MEST: variants seen among roughly 807,000 people sequenced by gnomAD.
MEST encodes mesoderm-specific transcript homolog protein.
In MEST, 18 loss-of-function variants were observed where a neutral mutation model predicts 50.9. The ratio of observed to expected loss-of-function variants is 0.35; its 90% CI spans 0.24 to 0.52. The LOEUF (loss-of-function observed/expected upper bound fraction) is 0.52, where lower values mean the gene tolerates loss of function less well. MEST is among the 20% of genes least tolerant of loss of function. The probability of loss-of-function intolerance (pLI) is 0.94; values close to 1 mark genes in which losing one functional copy is unlikely to be tolerated. For missense variants in MEST, 282 were observed against 425.3 expected, an observed-to-expected ratio of 0.66 and a Z score of 2.96; for synonymous variants, 130 against 154.1, an observed-to-expected ratio of 0.84 and a Z score of 1.16.
At chr7:130,487,329 G>C (rs759525961), upstream of MEST, 1 of 152,200 alleles carries the variant, frequency 6.6e-6, no homozygotes, top group African/African-American at 2.4e-5. Context: ...TGTTTGAGTG[G>C]ATAAAATGTC....
chr7:130,502,312 G>A (rs1799306383), intron 9 of MEST, among the ~76,000 whole-genome samples: 1 of 152,184 alleles, frequency 6.6e-6, no homozygotes, highest in African/African-American at 2.4e-5. Context: ...AGGTAGTGGT[G>A]GAGCCTAAAT....
In MEST at chr7:130,500,830, G is replaced by T. The variant is rs1799250322; in HGVS notation, c.689G>T (p.Ser230Ile). 1 of 1,613,886 alleles carries T rather than the reference G, an allele frequency of 6.2e-7. No individual in the cohort carries two copies. Among genetic ancestry groups the T allele is most frequent in the East Asian group, 2.2e-5 (1 of 44,892 alleles). ...VFGPYTRPSE[S>I]ELWDMWAGIR... ...GGGCCGTATACTCGGCCCTCTGAGA[G>T]TGAGCTGTGGGACATGTGGGCAGGG... Residue 230 changes from serine to isoleucine, a missense_variant, in exon 9 of 12, where the codon AGT (serine) becomes ATT (isoleucine). Transcript: ENST00000223215. The surrounding 1 kb of genome is among the most constrained non-coding windows in gnomAD (Gnocchi z 5.0).
chr7:130,495,147 G>A (rs1554436460), intron 1 of MEST, among the ~76,000 whole-genome samples: 1 of 152,074 alleles, frequency 6.6e-6, no homozygotes, highest in African/African-American at 2.4e-5. Context: ...TTGAAATAAT[G>A]TATTTTTTTT....
exon 1 of MEST, chr7:130,486,260 G>A (rs1179646708): frequency 6.6e-6 from 1 of 152,244 alleles, no homozygotes; most frequent in African/African-American, 2.4e-5. Flanking sequence ...CGACGCTCTA[G>A]CCCCGAGCCG....
At chr7:130,498,927 T>C (rs151316717) in intron 6 of MEST, 9 of 164,490 alleles carry the variant, frequency 5.5e-5, no homozygotes, top group African/African-American at 2.2e-4. Flanking sequence ...ACTATGATGT[T>C]AGTGTAGAAA....
rs1453710918 is a variant in MEST at position 130,497,193 on chromosome 7, GC to G, written c.220del (p.Leu74PhefsTer19). The G allele has an allele frequency of 6.2e-7, 1 of 1,613,028 alleles. No homozygotes were observed. The highest frequency in any genetic ancestry group is 1.3e-5 in the African/African-American group (1 of 74,814). On this transcript the variant is annotated frameshift_variant, in exon 3 of 12. Coordinates refer to ENST00000223215, the MANE Select transcript of MEST (RefSeq NM_002402.4). LOFTEE classifies it high-confidence loss of function. This position sits in a 1 kb window ranked among gnomAD's most constrained non-coding sequence, Gnocchi z 4.0. ...TGGTTGGAAGTCCAGAGATAGTTGT[GC>G]TTTTACACGGTTTTCCAACATCCAG... is the stretch of plus-strand genomic sequence containing the variant. Reference protein sequence around the residue: ...GVVGSPEIVVLLHGFPTSSYD... With the variant: ...GVVGSPEIVVXLHGFPTSSYD...
chr7:130,501,444 T>G (rs1409347411), intron 9 of MEST, among the ~76,000 whole-genome samples: 1 of 152,220 alleles, frequency 6.6e-6, no homozygotes, highest in African/African-American at 2.4e-5. Context: ...GAATATTTCA[T>G]TTTAGTATTA....
chr7:130,499,818 A>G (rs563820759), intron 6 of MEST, 57 bp from the exon 7 acceptor site: 298 of 1,393,198 alleles, frequency 2.1e-4, no homozygotes, highest in Non-Finnish European at 2.8e-4. Context: ...TCCCGTCTCT[A>G]TAAAAAAAAA....
intron 1 of MEST, 133 bp from the exon 2 acceptor site, chr7:130,495,235 G>A: frequency 4.8e-6 from 4 of 827,440 alleles, no homozygotes; most frequent in Non-Finnish European, 7.5e-6. Context: ...GGTCAGCTTT[G>A]TGCCTATGTG....
rs1798883276 is a variant in MEST at position 130,492,871 on chromosome 7, G to A, written c.26+532G>A. On this transcript the variant is annotated intron_variant, in intron 1 of 11. Coordinates refer to ENST00000223215, the MANE Select transcript of MEST (RefSeq NM_002402.4). This position sits in a 1 kb window ranked among gnomAD's most constrained non-coding sequence, Gnocchi z 7.6. ...GCGCGATTTAGGATTTATAGATCCC[G>A]GCAAAGCCCTGGTGCGATGTAGGAT... Among the ~76,000 whole-genome samples the A allele has an allele frequency of 6.6e-6, 1 of 152,014 alleles. No individual in the cohort carries two copies. Among genetic ancestry groups the A allele is most frequent in the Non-Finnish European group, 1.5e-5 (1 of 68,008 alleles).
chr7:130,498,973 CTG>C (rs1799174815), intron 6 of MEST, among the ~76,000 whole-genome samples: 3 of 152,294 alleles, frequency 2.0e-5, no homozygotes, highest in African/African-American at 7.2e-5. Flanking sequence ...TTCTTGGAAA[CTG>C]TGACTTTAAA....
At position 130,505,094 on chromosome 7, in the gene MEST, T is replaced by G. The variant is rs781859796; in HGVS notation, c.*38T>G. 12 of 1,428,718 alleles carry G rather than the reference T, an allele frequency of 8.4e-6. No homozygotes were observed. Among genetic ancestry groups the G allele is most frequent in the Non-Finnish European group, 1.2e-5 (12 of 1,013,436 alleles). The allele number at this position is 1,428,718 out of a possible 1,614,324, so 88.5% of individuals were successfully genotyped here. ...AGCTTCCCTGTATTACCTCCCCTAC[T>G]CCCTTATGTGTTGTGTATTCCACTT... On this transcript the variant is annotated 3_prime_UTR_variant, in exon 12 of 12. Transcript: ENST00000223215.
chr7:130,495,605 C>G, intron 2 of MEST, 83 bp downstream of exon 2: 1 of 1,351,560 alleles, frequency 7.4e-7, no homozygotes, highest in East Asian at 2.4e-5. Flanking sequence ...CTATTGGTCT[C>G]TTGTTGCTCC....
chr7:130,501,148 G>A, intron 9 of MEST: 1 of 327,000 alleles, frequency 3.1e-6, no homozygotes, highest in South Asian at 9.1e-5. Context: ...CAAGGTACAA[G>A]GCTCTTCCTT....
At chr7:130,502,749 ACTGAAG>A in intron 10 of MEST, 29 bp downstream of exon 10, 1 of 1,537,826 alleles carries the variant, frequency 6.5e-7, no homozygotes, top group Non-Finnish European at 9.0e-7. Context: ...TTGATAGGAA[ACTGAAG>A]GACTATAGGG....
intron 9 of MEST, among the ~76,000 whole-genome samples, chr7:130,502,428 A>C (rs933216224): frequency 6.6e-6 from 1 of 152,188 alleles, no homozygotes; most frequent in South Asian, 2.1e-4. Context: ...ACTAATTCTT[A>C]TATTGATAGT....
chr7:130,486,362 T>G (rs782508967), exon 1 of MEST: 1 of 152,222 alleles, frequency 6.6e-6, no homozygotes, highest in African/African-American at 2.4e-5. Context: ...CTCCGAAACA[T>G]GGAGTCCTGT....
Position 130,503,973 on chromosome 7 carries a change from T to C in MEST, c.867T>C (p.Tyr289=), listed in dbSNP as rs782122720. The C allele has an allele frequency of 3.4e-5, 55 of 1,613,360 alleles. No individual in the cohort carries two copies. The highest frequency in any genetic ancestry group is 9.3e-6 in the Non-Finnish European group (11 of 1,179,434). Residue 289 remains tyrosine (Y), a synonymous_variant, in exon 11 of 12, where the codon TAT becomes TAC. Transcript: ENST00000223215. ...IYGPLDPVNP[Y]PEFLELYRKT... ...GGCCATTGGATCCTGTAAATCCCTA[T>C]CCAGAGTTTTTGGAGCTGTACAGGT...
chr7:130,494,894 C>T, intron 1 of MEST: 1 of 953,516 alleles, frequency 1.0e-6, no homozygotes. Flanking sequence ...AGATATAGCA[C>T]ATATATATTT....
Sources: gnomAD v4.1 joint callset for allele counts (sites outside exome capture counted in the v4.1 genomes callset) on GRCh38, gnomAD v4.1.1 for gene constraint, Gnocchi (gnomAD v3.1) non-coding constraint, MANE v1.5 for transcripts, NCBI Gene and HGNC (gene_info 2026-07-23, HGNC 2026-07-21) for gene names.